The following ANKFN1 variants were observed in gnomAD, a reference collection of about 807,000 sequenced individuals.
ANKFN1 encodes ankyrin repeat and fibronectin type III domain containing 1, also known as ankyrin repeat and fibronectin type-III domain-containing protein 1.
In ANKFN1, 74 loss-of-function variants were observed where a neutral mutation model predicts 108.7. That is an observed-to-expected ratio of 0.68 (90% CI 0.56 to 0.83). The LOEUF (loss-of-function observed/expected upper bound fraction) is 0.83. Among genes scored for constraint, ANKFN1 ranks in the 40% least tolerant of loss-of-function variants. The pLI is 0.00. For synonymous variants in ANKFN1, 547 were observed against 516.2 expected (o/e 1.06, Z -0.81); for missense variants, 1,505 against 1,382.3 (o/e 1.09, Z -1.41).
intron 8 of ANKFN1, among the ~76,000 whole-genome samples, chr17:56,430,684 A>G (rs1051348029): frequency 2.0e-5 from 3 of 152,180 alleles, no homozygotes; most frequent in Non-Finnish European, 4.4e-5. Context: ...AAAAACTAAC[A>G]TCAATTCCAA....
At chr17:56,427,172 C>T (rs1460213127) in intron 8 of ANKFN1, among the ~76,000 whole-genome samples, 1 of 152,150 alleles carries the variant, frequency 6.6e-6, no homozygotes, top group African/African-American at 2.4e-5. Flanking sequence ...GCTGCTACTT[C>T]GGAGTTGCTT....
intron 3 of ANKFN1, among the ~76,000 whole-genome samples, chr17:56,269,418 T>C (rs28496982): frequency 0.062 from 9,417 of 152,248 alleles, 317 homozygotes; most frequent in South Asian, 0.11. Flanking sequence ...ATGGAGGAGT[T>C]GTCACCCATT....
chr17:56,412,155 CA>C (rs2048111707), intron 8 of ANKFN1, among the ~76,000 whole-genome samples: 1 of 152,094 alleles, frequency 6.6e-6, no homozygotes, highest in Non-Finnish European at 1.5e-5. Context: ...ATTCAATTTC[CA>C]TACTCATTTT....
chr17:56,393,259 G>A (rs1418620242), intron 8 of ANKFN1, among the ~76,000 whole-genome samples: 3 of 152,116 alleles, frequency 2.0e-5, no homozygotes, highest in African/African-American at 7.2e-5. Flanking sequence ...GAAGAGTCCA[G>A]TGGAAATTTC....
chr17:56,297,236 G>A (rs1004328065), intron 3 of ANKFN1, among the ~76,000 whole-genome samples: 6 of 152,180 alleles, frequency 3.9e-5, no homozygotes, highest in Non-Finnish European at 7.4e-5. Context: ...CGGCGTCTGG[G>A]CAGAGAGGAG....
At chr17:56,146,763 T>C (rs922867364) in intron 4 of ANKFN1, among the ~76,000 whole-genome samples, 1 of 152,288 alleles carries the variant, frequency 6.6e-6, no homozygotes, top group Non-Finnish European at 1.5e-5. Context: ...AAGGCTGTGA[T>C]AGGAGGGACT....
At chr17:56,402,593 A>G (rs1168067201) in intron 8 of ANKFN1, among the ~76,000 whole-genome samples, 1 of 151,956 alleles carries the variant, frequency 6.6e-6, no homozygotes, top group Non-Finnish European at 1.5e-5. Context: ...TTCTTGGTTA[A>G]TCTTGCTAAT....
chr17:56,308,102 G>A (rs926099697), intron 3 of ANKFN1, among the ~76,000 whole-genome samples: 2 of 152,072 alleles, frequency 1.3e-5, no homozygotes, highest in Non-Finnish European at 2.9e-5. Context: ...TCGGGGGAGT[G>A]GGGAGGGATA....
chr17:56,400,514 T>G (rs1037741689), intron 8 of ANKFN1, among the ~76,000 whole-genome samples: 26 of 152,158 alleles, frequency 1.7e-4, no homozygotes, highest in Admixed American at 5.9e-4. Flanking sequence ...TTGTGAAGAT[T>G]TTCTCTCACT....
At chr17:56,133,929 C>G (rs1211700486) in intron 4 of ANKFN1, among the ~76,000 whole-genome samples, 1 of 152,070 alleles carries the variant, frequency 6.6e-6, no homozygotes, top group East Asian at 1.9e-4. Flanking sequence ...ACATTACATA[C>G]CTGCAGATAG....
intron 3 of ANKFN1, among the ~76,000 whole-genome samples, chr17:56,263,010 C>A (rs1301906228): frequency 6.6e-6 from 1 of 152,160 alleles, no homozygotes; most frequent in Non-Finnish European, 1.5e-5. Flanking sequence ...GCTCGAATGA[C>A]CAAACGTTAG....
At chr17:56,087,704 G>T (rs1166244977) in intron 4 of ANKFN1, among the ~76,000 whole-genome samples, 1 of 151,368 alleles carries the variant, frequency 6.6e-6, no homozygotes, top group African/African-American at 2.4e-5. Flanking sequence ...GGTTGGCAAA[G>T]CACAGCCACT....
chr17:56,270,879 CT>C (rs2043775485), intron 3 of ANKFN1, among the ~76,000 whole-genome samples: 1 of 152,214 alleles, frequency 6.6e-6, no homozygotes, highest in Non-Finnish European at 1.5e-5. Context: ...AGATACTCCT[CT>C]TCCCTTATCA....
In ANKFN1 at chr17:56,247,162, C is replaced by T. The variant is rs140486495; in HGVS notation, c.53+19205C>T. Among the ~76,000 whole-genome samples, 818 of 152,194 alleles carry T rather than the reference C, an allele frequency of 5.4e-3. 8 individuals carry two copies. The highest frequency in any genetic ancestry group is 0.018 in the African/African-American group (765 of 41,538). ...GCTACTCAGATAATTGACAAATAAA[C>T]GCTGCTTTGCAGAAAACATTGGCAT... On this transcript the variant is annotated intron_variant, in intron 3 of 20. Transcript: ENST00000682825.
intron 1 of ANKFN1, among the ~76,000 whole-genome samples, chr17:56,170,495 G>T (rs370312259): frequency 3.9e-5 from 6 of 151,944 alleles, no homozygotes; most frequent in Admixed American, 3.9e-4. Context: ...GGGTGCAGTG[G>T]CTCATGCCTG....
At chr17:56,225,139 G>A (rs1419985604) in intron 2 of ANKFN1, among the ~76,000 whole-genome samples, 3 of 152,064 alleles carry the variant, frequency 2.0e-5, no homozygotes, top group Non-Finnish European at 4.4e-5. Flanking sequence ...AATACAAATG[G>A]TGGTCCCTCA....
rs543517767 is a variant in ANKFN1, at chr17:56,476,005, C to T, written c.1774-1483C>T. On this transcript the variant is annotated intron_variant, in intron 15 of 20. Transcript: ENST00000682825. ...ATCACGGCAGAAAGTGAAGGGGAAG[C>T]AAACACGTCTTACCATGGCAGAGCG... Among the ~76,000 whole-genome samples, 8 of 152,264 alleles carry T rather than the reference C, an allele frequency of 5.3e-5. No individual in the cohort carries two copies. The East Asian group carries it at 1.4e-3, about 26-fold the overall frequency.
rs186601382 is a variant in ANKFN1 at position 56,268,015 on chromosome 17, G to A, written c.53+40058G>A. On this transcript the variant is annotated intron_variant, in intron 3 of 20. Coordinates refer to ENST00000682825, the MANE Select transcript of ANKFN1 (RefSeq NM_001370326.1). ...TGCTTTAACAATATTTATTCTTCCTGTCCATGAGCATGGAATGAAAACTAA... is the reference window on the plus strand; with the variant it reads ...TGCTTTAACAATATTTATTCTTCCTATCCATGAGCATGGAATGAAAACTAA... 3.1e-3 allele frequency among the ~76,000 whole-genome samples: 471 copies of A among 152,018 alleles called. 2 individuals are homozygous for A. Among genetic ancestry groups the A allele is most frequent in the African/African-American group, 0.011 (446 of 41,456 alleles).
At chr17:56,335,284 C>T (rs541194349) in intron 4 of ANKFN1, among the ~76,000 whole-genome samples, 1 of 152,220 alleles carries the variant, frequency 6.6e-6, no homozygotes, top group East Asian at 1.9e-4. Context: ...GTGGGGATGG[C>T]ATTGAATCTA....
Sources: gnomAD v4.1 joint callset for allele counts (sites outside exome capture counted in the v4.1 genomes callset) on GRCh38, gnomAD v4.1.1 for gene constraint, MANE v1.5 for transcripts, NCBI Gene and HGNC (gene_info 2026-07-23, HGNC 2026-07-21) for gene names.